PHYHIPL: variants seen among roughly 807,000 people sequenced by gnomAD.
PHYHIPL encodes the protein phytanoyl-CoA 2-hydroxylase interacting protein like, also known as phytanoyl-CoA hydroxylase-interacting protein-like.
PHYHIPL carries 9 observed loss-of-function variants against 33.4 expected under a neutral mutation model. The observed-to-expected ratio is 0.27, with a 90% CI of 0.16 to 0.47. PHYHIPL has a LOEUF of 0.47. Ranked by LOEUF, PHYHIPL falls within the 20% of genes least tolerant of loss-of-function variation. PHYHIPL has a pLI of 0.99. For synonymous variants in PHYHIPL, 153 were observed against 154.1 expected (o/e 0.99, Z 0.05); for missense variants, 365 against 460.7 (o/e 0.79, Z 1.90).
intron 1 of PHYHIPL, among the ~76,000 whole-genome samples, chr10:59,223,118 T>C (rs577958643): frequency 1.3e-5 from 2 of 152,338 alleles, no homozygotes; most frequent in South Asian, 4.1e-4. Context: ...AGGAAATTCA[T>C]TGGGATATTA....
rs558573822 is a variant in PHYHIPL at position 59,177,683 on chromosome 10, G to A, written c.106+724G>A. On this transcript the variant is annotated intron_variant, in intron 1 of 4. Transcript: ENST00000373880. ...GTTGTTGAAGTTGGCAGGCTCCTGT[G>A]GAAGGAAATTGATTGAATACAGGTC... The A allele has an allele frequency of 3.3e-6, 5 of 1,520,352 alleles. No individual in the cohort carries two copies. The South Asian group carries it at 6.0e-5, about 18-fold the overall frequency. 94.2% of individuals were successfully genotyped at this position (1,520,352 alleles called of 1,614,324 possible). A position where few individuals can be genotyped will look rare whatever the true frequency, so the allele number is the denominator to read the frequency against.
intron 1 of PHYHIPL, among the ~76,000 whole-genome samples, chr10:59,180,051 CAA>C (rs1430391647): frequency 6.6e-6 from 1 of 151,580 alleles, no homozygotes; most frequent in Non-Finnish European, 1.5e-5. Context: ...GAAGTATACT[CAA>C]ATTGCATACA....
rs192695132 is a variant in PHYHIPL, at chr10:59,243,924, G to A, written c.597-1133G>A. 3.0e-3 allele frequency among the ~76,000 whole-genome samples: 464 copies of A among 152,220 alleles called. 1 individual carries two copies. Among genetic ancestry groups the A allele is most frequent in the Non-Finnish European group, 5.0e-3 (342 of 68,010 alleles). On this transcript the variant is annotated intron_variant, in intron 4 of 4. Transcript: ENST00000373880. ...AGACTTGAAAAGTTTTACTCTTCAT[G>A]GGAATGAAAGGGAATAGGAATTCAT...
chr10:59,223,075 G>T (rs946832451), intron 1 of PHYHIPL, among the ~76,000 whole-genome samples: 1 of 152,158 alleles, frequency 6.6e-6, no homozygotes, highest in Non-Finnish European at 1.5e-5. Context: ...TAATCATTGT[G>T]TACTTATGTA....
chr10:59,234,600 G>C (rs1291639323), intron 2 of PHYHIPL, 100 bp downstream of exon 2: 1 of 767,810 alleles, frequency 1.3e-6, no homozygotes, highest in Non-Finnish European at 1.9e-6. Context: ...TGGCTTATGT[G>C]ATGTATTTGA....
intron 1 of PHYHIPL, among the ~76,000 whole-genome samples, chr10:59,184,984 A>AT (rs34336392): frequency 0.029 from 2,655 of 91,996 alleles, 27 homozygotes; most frequent in Non-Finnish European, 0.038. Flanking sequence ...TGAACTCATC[A>AT]TTTTTTTTTT....
chr10:59,241,768 C>T (rs934665196), intron 4 of PHYHIPL, among the ~76,000 whole-genome samples: 3 of 152,022 alleles, frequency 2.0e-5, no homozygotes, highest in Admixed American at 6.6e-5. Context: ...TTCCTTATTT[C>T]GCCCACATCT....
intron 1 of PHYHIPL, among the ~76,000 whole-genome samples, chr10:59,198,919 T>C (rs1839010277): frequency 6.6e-6 from 1 of 152,224 alleles, no homozygotes; most frequent in South Asian, 2.1e-4. Flanking sequence ...TTTTTTCTTG[T>C]AAATTTGTTT....
intron 1 of PHYHIPL, among the ~76,000 whole-genome samples, chr10:59,207,026 C>T (rs955767462): frequency 6.6e-6 from 1 of 152,154 alleles, no homozygotes; most frequent in African/African-American, 2.4e-5. Context: ...CAACAGAGAT[C>T]TTTCAGTTAA....
intron 1 of PHYHIPL, 32 bp downstream of exon 1, chr10:59,176,991 CAG>C (rs747410249): frequency 1.9e-6 from 3 of 1,596,256 alleles, no homozygotes; most frequent in South Asian, 2.2e-5. Flanking sequence ...AGGAAAGGGA[CAG>C]AGTTCGCGCC....
intron 1 of PHYHIPL, among the ~76,000 whole-genome samples, chr10:59,203,541 G>T (rs1380639063): frequency 1.3e-5 from 2 of 152,008 alleles, no homozygotes; most frequent in African/African-American, 2.4e-5. Context: ...TGATAGACTG[G>T]ATTAAGAAAA....
In PHYHIPL at chr10:59,178,813, T is replaced by G. The variant is rs913012506; in HGVS notation, c.106+1854T>G. On this transcript the variant is annotated intron_variant, in intron 1 of 4. Transcript: ENST00000373880. The stretch of plus-strand genomic sequence containing the variant: ...GAGGAGTAGCTATTTTATTCTGGTA[T>G]TATTTTTTAGTTGTTTCTTTTCAAA... 2.6e-5 allele frequency among the ~76,000 whole-genome samples: 4 copies of G among 152,286 alleles called. No homozygotes were observed. In the South Asian group the frequency reaches 8.3e-4, roughly 32 times the overall value.
chr10:59,230,033 T>G (rs1037617062), intron 1 of PHYHIPL, among the ~76,000 whole-genome samples: 1 of 152,162 alleles, frequency 6.6e-6, no homozygotes, highest in Non-Finnish European at 1.5e-5. Context: ...AACACTGGTT[T>G]TTTTATGCAT....
Position 59,181,567 on chromosome 10 carries a change from G to C in PHYHIPL, c.106+4608G>C, listed in dbSNP as rs141550310. ...TTGCTTTGTTTAGGTATTTGCCTTA[G>C]AGCCCTTCTCTGTTCTTAATTTACA... On this transcript the variant is annotated intron_variant, in intron 1 of 4. Transcript: ENST00000373880. Among the ~76,000 whole-genome samples the C allele has an allele frequency of 4.1e-3, 618 of 152,184 alleles. 5 individuals carry two copies. Among genetic ancestry groups the C allele is most frequent in the African/African-American group, 0.011 (463 of 41,528 alleles).
chr10:59,224,254 A>G (rs1839857730), intron 1 of PHYHIPL, among the ~76,000 whole-genome samples: 1 of 152,188 alleles, frequency 6.6e-6, no homozygotes, highest in African/African-American at 2.4e-5. Context: ...CCTAAAGTCT[A>G]AAGTTAAATT....
rs1839291014 is a variant in PHYHIPL at position 59,206,620 on chromosome 10, T to C, written c.107-27684T>C. The C allele has an allele frequency of 1.4e-5, 3 of 216,084 alleles. No individual in the cohort carries two copies. In the South Asian group the frequency reaches 2.1e-4, roughly 15 times the overall value. The allele number at this position is 216,084 out of a possible 1,614,324, so 13.4% of individuals were successfully genotyped here. On this transcript the variant is annotated intron_variant, in intron 1 of 4. Coordinates refer to ENST00000373880, the MANE Select transcript of PHYHIPL (RefSeq NM_032439.4). ...AAGCAAACTCAGTGAATACAACTCATGTTGTGTTTAGACGCAGAAACATTT... is the reference window on the plus strand; with the variant it reads ...AAGCAAACTCAGTGAATACAACTCACGTTGTGTTTAGACGCAGAAACATTT...
rs761760108 is a variant in PHYHIPL, at chr10:59,230,030, G to GT, written c.107-4267dup. On this transcript the variant is annotated intron_variant, in intron 1 of 4. Transcript: ENST00000373880. The stretch of plus-strand genomic sequence containing the variant: ...TCATAAATTCACCACAACAACACTG[G>GT]TTTTTTTATGCATAGATTGAGGTAT... Among the ~76,000 whole-genome samples, 289 of 152,054 alleles carry GT rather than the reference G, an allele frequency of 1.9e-3. 1 individual carries two copies. The highest frequency in any genetic ancestry group is 3.3e-3 in the Non-Finnish European group (224 of 67,970).
intron 1 of PHYHIPL, among the ~76,000 whole-genome samples, chr10:59,200,431 T>G (rs1216080778): frequency 1.2e-4 from 18 of 152,164 alleles, no homozygotes; most frequent in Admixed American, 1.2e-3. Context: ...TGGATAAGCT[T>G]TTTGATGTGC....
chr10:59,177,230 C>A, intron 1 of PHYHIPL: 1 of 579,538 alleles, frequency 1.7e-6, no homozygotes, highest in Non-Finnish European at 3.0e-6. Context: ...CGGACGAGGG[C>A]GACGTTCCCG....
Sources: allele counts gnomAD v4.1 joint callset (sites outside exome capture counted in the v4.1 genomes callset), GRCh38; gene constraint gnomAD v4.1.1; transcripts MANE v1.5; gene names NCBI Gene and HGNC (gene_info 2026-07-23, HGNC 2026-07-21).